The following GRIP1 variants were observed in gnomAD, a reference collection of about 807,000 sequenced individuals.
GRIP1 encodes glutamate receptor-interacting protein 1.
A neutral mutation model predicts 129.9 loss-of-function variants in GRIP1; 45 were observed. The ratio of observed to expected loss-of-function variants is 0.35; its 90% confidence interval spans 0.27 to 0.44. The LOEUF is 0.44. GRIP1 is among the 20% of genes least tolerant of loss of function. GRIP1 has a pLI of 1.00. For synonymous variants in GRIP1, 530 were observed against 520.8 expected, an observed-to-expected ratio of 1.02 and a Z score of -0.24; for missense variants, 1,196 against 1,396.8, an observed-to-expected ratio of 0.86 and a Z score of 2.29.
intron 1 of GRIP1, among the ~76,000 whole-genome samples, chr12:66,900,470 C>T (rs1428161715): frequency 2.6e-5 from 4 of 152,086 alleles, no homozygotes; most frequent in Non-Finnish European, 4.4e-5. Context: ...CTTGGACTTC[C>T]TAGCCTCCGG....
chr12:67,017,310 C>T (rs896189163), intron 1 of GRIP1, among the ~76,000 whole-genome samples: 1 of 149,560 alleles, frequency 6.7e-6, no homozygotes, highest in Admixed American at 6.7e-5. Context: ...CTCTCGGTGG[C>T]CCCTTTTACT....
intron 23 of GRIP1, among the ~76,000 whole-genome samples, chr12:66,358,360 A>G (rs1045868499): frequency 1.3e-5 from 2 of 152,180 alleles, no homozygotes; most frequent in Non-Finnish European, 2.9e-5. Flanking sequence ...CTCACCATGA[A>G]TAGTTCTTAT....
chr12:66,536,846 C>A (rs559267270), intron 4 of GRIP1, among the ~76,000 whole-genome samples: 2 of 152,168 alleles, frequency 1.3e-5, no homozygotes, highest in South Asian at 2.1e-4. Context: ...CATTGCTGAA[C>A]AAATGAATTC....
intron 1 of GRIP1, among the ~76,000 whole-genome samples, chr12:66,967,082 C>A (rs1488435129): frequency 6.6e-6 from 1 of 152,072 alleles, no homozygotes; most frequent in African/African-American, 2.4e-5. Flanking sequence ...TTCATTGTTT[C>A]TTCTTTTCTA....
chr12:66,922,977 T>C (rs1356630280), intron 1 of GRIP1, among the ~76,000 whole-genome samples: 2 of 152,184 alleles, frequency 1.3e-5, no homozygotes, highest in Non-Finnish European at 2.9e-5. Context: ...AATATTGATA[T>C]ATATGATTGA....
intron 1 of GRIP1, among the ~76,000 whole-genome samples, chr12:67,001,935 T>A (rs1159664217): frequency 1.3e-5 from 2 of 152,204 alleles, no homozygotes; most frequent in East Asian, 3.9e-4. Flanking sequence ...CAGTCATTTA[T>A]ACATTGTTCC....
At chr12:66,548,638 T>C (rs1440436799) in intron 2 of GRIP1, among the ~76,000 whole-genome samples, 1 of 152,016 alleles carries the variant, frequency 6.6e-6, no homozygotes, top group East Asian at 1.9e-4. Flanking sequence ...GAGGAGGAAT[T>C]TTCCGGAGTT....
chr12:67,050,895 C>T (rs1023589149), intron 1 of GRIP1, among the ~76,000 whole-genome samples: 5 of 152,130 alleles, frequency 3.3e-5, no homozygotes, highest in African/African-American at 1.2e-4. Context: ...TTCACAGAAC[C>T]TAAGGTCAGA....
intron 1 of GRIP1, among the ~76,000 whole-genome samples, chr12:66,636,543 C>T (rs1256876001): frequency 6.6e-6 from 1 of 152,090 alleles, no homozygotes; most frequent in Non-Finnish European, 1.5e-5. Flanking sequence ...CCCATCCACC[C>T]TAAATTCATA....
rs74098155 is a variant in GRIP1 at position 66,937,489 on chromosome 12, T to A, written c.58+131561A>T. Reference sequence around the variant, plus strand: ...TGACATATGGATCAATGGTAGTTTTTCTGAGATCTGGTAGGCACAACAATT... The same window carrying A: ...TGACATATGGATCAATGGTAGTTTTACTGAGATCTGGTAGGCACAACAATT... On this transcript the variant is annotated intron_variant, in intron 1 of 1. Transcript: ENST00000643019. Among the ~76,000 whole-genome samples the A allele has an allele frequency of 3.1e-3, 473 of 152,328 alleles. 4 individuals are homozygous for A. Among genetic ancestry groups the A allele is most frequent in the African/African-American group, 0.01 (433 of 41,570 alleles).
At chr12:66,508,692 C>G (rs981708066) in intron 7 of GRIP1, among the ~76,000 whole-genome samples, 1 of 152,074 alleles carries the variant, frequency 6.6e-6, no homozygotes, top group Admixed American at 6.6e-5. Context: ...TTATTATCAA[C>G]TACAATAGTT....
chr12:67,069,180 C>T, upstream of GRIP1: 2 of 903,866 alleles, frequency 2.2e-6, no homozygotes, highest in Non-Finnish European at 2.6e-6. Flanking sequence ...CTCTCCGCGC[C>T]TCCTCGCTCG....
intron 1 of GRIP1, among the ~76,000 whole-genome samples, chr12:67,023,134 G>C (rs2042892454): frequency 6.6e-6 from 1 of 152,100 alleles, no homozygotes; most frequent in African/African-American, 2.4e-5. Flanking sequence ...TTAGTGTTGA[G>C]AAAGTCTAAT....
intron 23 of GRIP1, among the ~76,000 whole-genome samples, chr12:66,361,324 A>T (rs2054751713): frequency 6.6e-6 from 1 of 152,118 alleles, no homozygotes; most frequent in African/African-American, 2.4e-5. Context: ...GCTGGAAAAA[A>T]TGAGGGCTCA....
At chr12:66,730,413 TA>T (rs1367229817) in intron 1 of GRIP1, among the ~76,000 whole-genome samples, 3 of 152,140 alleles carry the variant, frequency 2.0e-5, no homozygotes, top group Admixed American at 2.0e-4. Flanking sequence ...TTAAAAATTC[TA>T]GGAGCAGGAA....
intron 4 of GRIP1, among the ~76,000 whole-genome samples, chr12:66,538,422 C>T (rs1024404416): frequency 2.6e-5 from 4 of 151,824 alleles, no homozygotes; most frequent in Non-Finnish European, 4.4e-5. Context: ...TCTTCAACTC[C>T]TGGCTTCAAG....
intron 1 of GRIP1, among the ~76,000 whole-genome samples, chr12:66,868,332 C>T (rs1209626580): frequency 6.6e-6 from 1 of 152,046 alleles, no homozygotes; most frequent in Non-Finnish European, 1.5e-5. Flanking sequence ...GAAATATTAT[C>T]TAAGTCAGGA....
chr12:66,521,829 A>T (rs1245395443), intron 5 of GRIP1, among the ~76,000 whole-genome samples: 1 of 152,212 alleles, frequency 6.6e-6, no homozygotes, highest in African/African-American at 2.4e-5. Flanking sequence ...CAACGGGCTT[A>T]AAAAACAGCA....
intron 7 of GRIP1, among the ~76,000 whole-genome samples, chr12:66,480,312 C>T (rs7304485): frequency 0.26 from 40,238 of 152,006 alleles, 5,541 homozygotes; most frequent in Middle Eastern, 0.43. Context: ...TCATTCACAA[C>T]TGCTACAAAG....
Sources: gnomAD v4.1 joint callset for allele counts (sites outside exome capture counted in the v4.1 genomes callset) on GRCh38, gnomAD v4.1.1 for gene constraint, MANE v1.5 for transcripts, NCBI Gene and HGNC (gene_info 2026-07-23, HGNC 2026-07-21) for gene names.